The following SLCO2A1 variants were observed in gnomAD, a reference collection of about 807,000 sequenced individuals.
SLCO2A1 encodes matrin F/G 1.
In SLCO2A1, 60 loss-of-function variants were observed where a neutral mutation model predicts 71.7. That is an observed-to-expected ratio of 0.84 (90% confidence interval 0.68 to 1.04). The LOEUF is 1.04. SLCO2A1 is among the 50% of genes least tolerant of loss of function. SLCO2A1 has a pLI of 0.00. For missense variants in SLCO2A1, 745 were observed against 813.4 expected, an observed-to-expected ratio of 0.92 and a Z score of 1.02; for synonymous variants, 308 against 326.7, an observed-to-expected ratio of 0.94 and a Z score of 0.62.
chr3:134,018,149 A>T (rs539544402), intron 1 of SLCO2A1, among the ~76,000 whole-genome samples: 2 of 151,886 alleles, frequency 1.3e-5, no homozygotes, highest in Non-Finnish European at 2.9e-5. Flanking sequence ...CTTTCTCCCT[A>T]CAAGCAGGGG....
chr3:134,013,846 T>C (rs1045503591), intron 1 of SLCO2A1, among the ~76,000 whole-genome samples: 30 of 152,276 alleles, frequency 2.0e-4, no homozygotes, highest in Admixed American at 1.8e-3. Flanking sequence ...TAAAAATATA[T>C]CAAAGAAATG....
At chr3:133,965,020 G>A (rs1934130830) in intron 3 of SLCO2A1, among the ~76,000 whole-genome samples, 2 of 152,186 alleles carry the variant, frequency 1.3e-5, no homozygotes, top group South Asian at 4.1e-4. Flanking sequence ...ATTTTAACAT[G>A]CAAAGAAATG....
chr3:133,936,209 C>T (rs1933266769), intron 12 of SLCO2A1, among the ~76,000 whole-genome samples: 4 of 152,168 alleles, frequency 2.6e-5, no homozygotes, highest in East Asian at 1.9e-4. Flanking sequence ...TGGAGATACA[C>T]GGGCCTCCAC....
chr3:133,994,613 C>A (rs1269072273), intron 1 of SLCO2A1, among the ~76,000 whole-genome samples: 1 of 152,230 alleles, frequency 6.6e-6, no homozygotes, highest in Admixed American at 6.5e-5. Flanking sequence ...TAGTCCTGTG[C>A]CCATCTTCCG....
intron 3 of SLCO2A1, among the ~76,000 whole-genome samples, chr3:133,969,313 C>T (rs1382375212): frequency 6.6e-6 from 1 of 152,140 alleles, no homozygotes; most frequent in Admixed American, 6.5e-5. Flanking sequence ...ACCTGTAGTC[C>T]CAGCTACTCG....
Position 134,022,072 on chromosome 3 carries a change from A to AG in SLCO2A1, c.96+7634_96+7635insC, listed in dbSNP as rs540899221. Among the ~76,000 whole-genome samples, 527 of 152,006 alleles carry AG rather than the reference A, an allele frequency of 3.5e-3. 2 individuals carry two copies. The highest frequency in any genetic ancestry group is 0.012 in the African/African-American group (489 of 41,534). ...TTCAGAAGTATCCTAAAGGAAAAAA[A>AG]AAAAAAGAAAAAAAGAGGAGGGGCG... is the stretch of plus-strand genomic sequence containing the variant. On this transcript the variant is annotated intron_variant, in intron 1 of 13. Coordinates refer to ENST00000310926, the MANE Select transcript of SLCO2A1 (RefSeq NM_005630.3).
chr3:133,991,741 G>A (rs1934851081), intron 1 of SLCO2A1, among the ~76,000 whole-genome samples: 1 of 152,212 alleles, frequency 6.6e-6, no homozygotes, highest in Non-Finnish European at 1.5e-5. Context: ...GAGGCTGCAG[G>A]GGGCCGGAGG....
intron 1 of SLCO2A1, among the ~76,000 whole-genome samples, chr3:134,027,067 G>A (rs968909261): frequency 5.9e-5 from 9 of 152,108 alleles, no homozygotes; most frequent in Admixed American, 1.3e-4. Flanking sequence ...CACCAAAAAG[G>A]TTCAGCACAA....
intron 1 of SLCO2A1, among the ~76,000 whole-genome samples, chr3:134,001,340 G>A (rs1452308083): frequency 6.6e-6 from 1 of 152,052 alleles, no homozygotes; most frequent in Non-Finnish European, 1.5e-5. Flanking sequence ...CAAACTCCTG[G>A]CCTCAGGTAA....
At chr3:134,006,241 G>A (rs558161175) in intron 1 of SLCO2A1, among the ~76,000 whole-genome samples, 33 of 152,096 alleles carry the variant, frequency 2.2e-4, no homozygotes, top group African/African-American at 8.0e-4. Context: ...TTGTGGAGAT[G>A]AGGTCTCACT....
intron 12 of SLCO2A1, 139 bp downstream of exon 12, chr3:133,938,290 A>C: frequency 1.3e-6 from 1 of 763,410 alleles, no homozygotes; most frequent in East Asian, 2.5e-5. Context: ...GGATTTTGGC[A>C]TCTGCTGTTG....
chr3:133,948,866 C>A, intron 7 of SLCO2A1, 27 bp downstream of exon 7: 1 of 1,611,616 alleles, frequency 6.2e-7, no homozygotes. Context: ...ACTGTGCCAG[C>A]CCACCCAGGG....
chr3:133,978,396 T>G (rs12495483), intron 2 of SLCO2A1, among the ~76,000 whole-genome samples: 2,111 of 152,078 alleles, frequency 0.014, 79 homozygotes, highest in East Asian at 0.11. Context: ...GAAGAGTGCC[T>G]CCCTCCTAGG....
At chr3:133,940,192 G>A (rs888084541) in intron 11 of SLCO2A1, among the ~76,000 whole-genome samples, 2 of 151,976 alleles carry the variant, frequency 1.3e-5, no homozygotes, top group African/African-American at 2.4e-5. Flanking sequence ...GGTCTTGAAC[G>A]CCTGACCTCA....
chr3:133,933,621 T>G lies in SLCO2A1; in HGVS notation c.*1092A>C, dbSNP rs1933195495. 1 of 152,248 alleles carries G rather than the reference T, an allele frequency of 6.6e-6. No homozygotes were observed. Among genetic ancestry groups the G allele is most frequent in the African/African-American group, 2.4e-5 (1 of 41,458 alleles). 9.4% of individuals were successfully genotyped at this position (152,248 alleles called of 1,614,324 possible). On this transcript the variant is annotated 3_prime_UTR_variant, in exon 14 of 14. Transcript: ENST00000310926. Reference sequence around the variant, plus strand: ...AAAATGGGAATGGTATGAGCATGTCTGAAACCAGGAAAGCCAACCTGACTG... The same window carrying G: ...AAAATGGGAATGGTATGAGCATGTCGGAAACCAGGAAAGCCAACCTGACTG...
chr3:133,963,327 G>A (rs960893751), intron 3 of SLCO2A1, among the ~76,000 whole-genome samples: 8 of 152,260 alleles, frequency 5.3e-5, no homozygotes, highest in South Asian at 2.1e-4. Flanking sequence ...ATGTTTCAGC[G>A]CTCCGTCCCA....
intron 1 of SLCO2A1, among the ~76,000 whole-genome samples, chr3:133,983,877 G>A (rs966498310): frequency 9.2e-5 from 14 of 152,292 alleles, no homozygotes; most frequent in African/African-American, 3.4e-4. Context: ...CAAATTAGAG[G>A]CTCTTGCAAA....
chr3:133,997,724 T>C (rs1935000219), intron 1 of SLCO2A1, among the ~76,000 whole-genome samples: 1 of 152,188 alleles, frequency 6.6e-6, no homozygotes, highest in Non-Finnish European at 1.5e-5. Context: ...ACCAAGTTTG[T>C]GGTATTTTTT....
At chr3:133,993,289 A>C (rs376471787) in intron 1 of SLCO2A1, among the ~76,000 whole-genome samples, 4 of 152,066 alleles carry the variant, frequency 2.6e-5, no homozygotes, top group African/African-American at 9.7e-5. Context: ...GGTAAGGGAA[A>C]TATCCTGCTT....
Sources: allele counts gnomAD v4.1 joint callset (sites outside exome capture counted in the v4.1 genomes callset), GRCh38; gene constraint gnomAD v4.1.1; transcripts MANE v1.5; gene names NCBI Gene and HGNC (gene_info 2026-07-23, HGNC 2026-07-21).